Variants in EYA2 observed in about 807,000 individuals in gnomAD.
The protein encoded by EYA2 is protein phosphatase EYA2.
A neutral mutation model predicts 69.2 loss-of-function variants in EYA2; 31 were observed. The observed-to-expected ratio is 0.45, with a 90% confidence interval of 0.34 to 0.60. The LOEUF is 0.60. Ranked by LOEUF, EYA2 falls within the 20% of genes least tolerant of loss-of-function variation. The pLI is 0.02. For synonymous variants in EYA2, 257 were observed against 279.4 expected (o/e 0.92, Z 0.80); for missense variants, 622 against 701.2 (o/e 0.89, Z 1.28).
At chr20:46,948,553 C>T (rs915230716) in intron 1 of EYA2, among the ~76,000 whole-genome samples, 9 of 152,142 alleles carry the variant, frequency 5.9e-5, no homozygotes, top group Admixed American at 2.0e-4. Flanking sequence ...GCTGTATCCT[C>T]GGTGCCCAGT....
chr20:47,184,412 C>T (rs1272204702), intron 15 of EYA2, among the ~76,000 whole-genome samples: 1 of 130,764 alleles, frequency 7.6e-6, no homozygotes, highest in Non-Finnish European at 1.6e-5. Context: ...TCATTGCATC[C>T]CTTTTTTTTT....
intron 6 of EYA2, among the ~76,000 whole-genome samples, chr20:47,073,936 C>T (rs578090890): frequency 6.6e-6 from 1 of 152,252 alleles, no homozygotes; most frequent in Non-Finnish European, 1.5e-5. Context: ...GCATCTCTCT[C>T]ACTTCCCCGA....
At chr20:47,090,304 A>G (rs910955269) in intron 8 of EYA2, among the ~76,000 whole-genome samples, 4 of 150,404 alleles carry the variant, frequency 2.7e-5, no homozygotes, top group East Asian at 3.9e-4. Flanking sequence ...CAGTGGCACA[A>G]TCTCGGCTCA....
intron 1 of EYA2, among the ~76,000 whole-genome samples, chr20:46,965,080 G>T (rs534018713): frequency 2.0e-5 from 3 of 152,244 alleles, no homozygotes; most frequent in Non-Finnish European, 4.4e-5. Context: ...GTTCGAATCC[G>T]CCTCTGACAC....
At chr20:47,116,170 C>CT (rs138828415) in intron 9 of EYA2, among the ~76,000 whole-genome samples, 381 of 79,758 alleles carry the variant, frequency 4.8e-3, no homozygotes, top group Non-Finnish European at 5.5e-3. Flanking sequence ...CATCATCCTT[C>CT]TTTTTTTTTT....
intron 1 of EYA2, among the ~76,000 whole-genome samples, chr20:46,952,725 T>C (rs1231411121): frequency 6.6e-6 from 1 of 152,206 alleles, no homozygotes; most frequent in Non-Finnish European, 1.5e-5. Flanking sequence ...GGCTGAGGCC[T>C]GCGAGTTCAG....
chr20:46,972,844 A>T (rs1285179172), intron 1 of EYA2, among the ~76,000 whole-genome samples: 2 of 152,234 alleles, frequency 1.3e-5, no homozygotes, highest in Non-Finnish European at 1.5e-5. Flanking sequence ...TGAGGAAAGA[A>T]TTTTGACAGC....
intron 9 of EYA2, among the ~76,000 whole-genome samples, chr20:47,140,499 A>T (rs2033571150): frequency 6.6e-6 from 1 of 152,180 alleles, no homozygotes; most frequent in Non-Finnish European, 1.5e-5. Context: ...TAATAGAAAT[A>T]ATATAGCCTC....
At chr20:47,150,168 C>T (rs1015653819) in intron 10 of EYA2, among the ~76,000 whole-genome samples, 1 of 152,192 alleles carries the variant, frequency 6.6e-6, no homozygotes, top group African/African-American at 2.4e-5. Flanking sequence ...AGGCACCTGG[C>T]GTCATCCTGC....
intron 10 of EYA2, among the ~76,000 whole-genome samples, chr20:47,148,876 G>T (rs1190361534): frequency 6.6e-6 from 1 of 152,180 alleles, no homozygotes; most frequent in Non-Finnish European, 1.5e-5. Flanking sequence ...ATGTGCCACT[G>T]TCGAGTCAGA....
chr20:47,134,088 C>G (rs962651856), intron 9 of EYA2, among the ~76,000 whole-genome samples: 1 of 152,242 alleles, frequency 6.6e-6, no homozygotes, highest in South Asian at 2.1e-4. Flanking sequence ...TTAACCCTTT[C>G]CTGCACAGCC....
At chr20:47,107,298 G>A (rs943335618) in intron 9 of EYA2, among the ~76,000 whole-genome samples, 1 of 152,090 alleles carries the variant, frequency 6.6e-6, no homozygotes, top group African/African-American at 2.4e-5. Context: ...GCTGAGGCAA[G>A]TGGATGACTT....
intron 1 of EYA2, among the ~76,000 whole-genome samples, chr20:46,896,936 A>G (rs1189205187): frequency 6.6e-6 from 1 of 152,232 alleles, no homozygotes; most frequent in Non-Finnish European, 1.5e-5. Flanking sequence ...AAACACACAA[A>G]TCACTTCCCC....
intron 1 of EYA2, among the ~76,000 whole-genome samples, chr20:46,899,672 G>A (rs893571530): frequency 2.0e-5 from 3 of 152,198 alleles, no homozygotes; most frequent in East Asian, 1.9e-4. Context: ...AGGTGGTGCC[G>A]AGAGTCAGGT....
At chr20:47,060,213 G>A (rs368741847) in intron 5 of EYA2, among the ~76,000 whole-genome samples, 8 of 152,166 alleles carry the variant, frequency 5.3e-5, no homozygotes, top group African/African-American at 1.9e-4. Flanking sequence ...CTATAATCAC[G>A]TTCATTGTGT....
intron 10 of EYA2, among the ~76,000 whole-genome samples, chr20:47,158,707 T>A (rs557695549): frequency 2.0e-5 from 3 of 151,946 alleles, no homozygotes; most frequent in African/African-American, 7.2e-5. Context: ...TCCCAGAGCA[T>A]CTTTTAGCAC....
chr20:47,002,291 G>A (rs561908801), intron 3 of EYA2, among the ~76,000 whole-genome samples: 65 of 151,988 alleles, frequency 4.3e-4, no homozygotes, highest in Non-Finnish European at 7.9e-4. Flanking sequence ...TGCTGCACCT[G>A]TCAACCCATC....
At chr20:46,948,735 C>T (rs1288553763) in intron 1 of EYA2, among the ~76,000 whole-genome samples, 3 of 152,150 alleles carry the variant, frequency 2.0e-5, no homozygotes, top group Admixed American at 6.5e-5. Context: ...TTGTTTAATT[C>T]GTAAAAGGTT....
intron 1 of EYA2, among the ~76,000 whole-genome samples, chr20:46,986,720 CAG>C (rs921073322): frequency 1.3e-5 from 2 of 152,062 alleles, no homozygotes; most frequent in African/African-American, 4.8e-5. Flanking sequence ...CCCACGGTAA[CAG>C]AAGGCGCAAG....
Sources: gnomAD v4.1 joint callset for allele counts (sites outside exome capture counted in the v4.1 genomes callset) on GRCh38, gnomAD v4.1.1 for gene constraint, MANE v1.5 for transcripts, NCBI Gene and HGNC (gene_info 2026-07-23, HGNC 2026-07-21) for gene names.